The following COL14A1 variants were observed in gnomAD, a reference collection of about 807,000 sequenced individuals.
The protein encoded by COL14A1 is collagen alpha-1(XIV) chain.
In COL14A1, 136 loss-of-function variants were observed where a neutral mutation model predicts 230.3. The ratio of observed to expected loss-of-function variants is 0.59; its 90% CI spans 0.51 to 0.68. The LOEUF is 0.68. Ranked by LOEUF, COL14A1 falls within the 30% of genes least tolerant of loss-of-function variation. The pLI is 0.00. For synonymous variants in COL14A1, 792 were observed against 784.1 expected (o/e 1.01, Z -0.17); for missense variants, 1,976 against 2,215.8 (o/e 0.89, Z 2.17).
Position 120,231,590 on chromosome 8 carries a change from G to A in COL14A1, c.2321G>A (p.Gly774Glu), listed in dbSNP as rs1294782019. The change falls in exon 19 of 48, where the codon GGG (glycine) becomes GAG (glutamate). Residue 774 changes from glycine to glutamate, a missense_variant. By Grantham distance (98) the Gly-to-Glu change is moderately conservative. Coordinates refer to ENST00000297848, the MANE Select transcript of COL14A1 (RefSeq NM_021110.4). ...AGGGTGACCTACATGACAGCTCAAGGGGACCCTGAGGAAGAAGTCATAGGA... is the reference window on the plus strand; with the variant it reads ...AGGGTGACCTACATGACAGCTCAAGAGGACCCTGAGGAAGAAGTCATAGGA... ...QFRVTYMTAQ[G>E]DPEEEVIGTV... 1 of 1,613,788 alleles carries A rather than the reference G, an allele frequency of 6.2e-7. No individual in the cohort carries two copies. The highest frequency in any genetic ancestry group is 8.5e-7 in the Non-Finnish European group (1 of 1,179,898).
At chr8:120,363,850 T>G (rs1823314183) in intron 45 of COL14A1, among the ~76,000 whole-genome samples, 3 of 152,250 alleles carry the variant, frequency 2.0e-5, no homozygotes, top group Admixed American at 2.0e-4. Flanking sequence ...GTTCTTTCAT[T>G]TGTTAGTTCA....
intron 6 of COL14A1, among the ~76,000 whole-genome samples, chr8:120,197,292 G>A (rs1817070602): frequency 6.6e-6 from 1 of 151,920 alleles, no homozygotes; most frequent in Non-Finnish European, 1.5e-5. Flanking sequence ...TAGAAAATTG[G>A]CAGTCATTTA....
chr8:120,176,818 C>CCTCTTCTT (rs1436510900), intron 5 of COL14A1, among the ~76,000 whole-genome samples: 1 of 152,100 alleles, frequency 6.6e-6, no homozygotes, highest in Admixed American at 6.6e-5. Flanking sequence ...AGTGCTTCTT[C>CCTCTTCTT]CTCTTCTTCT....
chr8:120,212,923 A>G (rs1817653979), intron 13 of COL14A1, among the ~76,000 whole-genome samples: 1 of 152,134 alleles, frequency 6.6e-6, no homozygotes, highest in African/African-American at 2.4e-5. Flanking sequence ...CCAGGTGACA[A>G]TGGGTGATTG....
intron 2 of COL14A1, among the ~76,000 whole-genome samples, chr8:120,150,822 G>T (rs776078562): frequency 2.1e-4 from 32 of 152,078 alleles, no homozygotes; most frequent in Admixed American, 3.3e-4. Context: ...CAGCGCAGGA[G>T]ATTATATTCG....
chr8:120,372,689 C>A lies in COL14A1; in HGVS notation c.*1458C>A, dbSNP rs1020884125. 6.6e-6 allele frequency among the ~76,000 whole-genome samples: 1 copy of A among 152,016 alleles called. No individual in the cohort carries two copies. Reference sequence around the variant, plus strand: ...CTGATCACCAGGTTCTCTTTCTGTCCTTCTCATAATCTCCTGATCTTTGGA... The same window carrying A: ...CTGATCACCAGGTTCTCTTTCTGTCATTCTCATAATCTCCTGATCTTTGGA... On this transcript the variant is annotated 3_prime_UTR_variant, in exon 48 of 48. Transcript: ENST00000297848.
intron 35 of COL14A1, among the ~76,000 whole-genome samples, chr8:120,298,965 G>T (rs1820621635): frequency 6.6e-6 from 1 of 151,848 alleles, no homozygotes; most frequent in Non-Finnish European, 1.5e-5. Context: ...GTGGCAGCAA[G>T]GAGAAGTGCA....
chr8:120,182,919 G>T (rs1345641671), intron 5 of COL14A1, among the ~76,000 whole-genome samples: 2 of 151,754 alleles, frequency 1.3e-5, no homozygotes, highest in African/African-American at 2.4e-5. Context: ...TACAGACAGG[G>T]TTTCACCATA....
At chr8:120,348,306 CAT>C (rs375948231) in intron 45 of COL14A1, among the ~76,000 whole-genome samples, 2,655 of 138,622 alleles carry the variant, frequency 0.019, 41 homozygotes, top group East Asian at 0.03. Context: ...ATATATAAAG[CAT>C]ATATATATAT....
At chr8:120,142,394 T>C (rs1055969433) in intron 1 of COL14A1, among the ~76,000 whole-genome samples, 2 of 152,232 alleles carry the variant, frequency 1.3e-5, no homozygotes, top group African/African-American at 4.8e-5. Context: ...CTTGTTTTAC[T>C]TGACTTTGTA....
At chr8:120,238,688 C>A (rs911399319) in intron 19 of COL14A1, among the ~76,000 whole-genome samples, 11 of 152,166 alleles carry the variant, frequency 7.2e-5, no homozygotes, top group African/African-American at 2.7e-4. Context: ...TCGGTGTTTG[C>A]CCAGATGGCC....
At chr8:120,164,099 A>C (rs1459568062) in intron 4 of COL14A1, among the ~76,000 whole-genome samples, 1 of 152,194 alleles carries the variant, frequency 6.6e-6, no homozygotes, top group Non-Finnish European at 1.5e-5. Context: ...TCTTTTAAAA[A>C]ACCCAATTTA....
At chr8:120,236,944 C>A (rs189583663) in intron 19 of COL14A1, among the ~76,000 whole-genome samples, 2 of 152,266 alleles carry the variant, frequency 1.3e-5, no homozygotes, top group East Asian at 3.9e-4. Context: ...TGAATGTTGG[C>A]CCCCACGCTC....
intron 36 of COL14A1, 65 bp from the exon 37 acceptor site, chr8:120,309,944 A>C: frequency 6.7e-7 from 1 of 1,496,630 alleles, no homozygotes; most frequent in Non-Finnish European, 9.3e-7. Flanking sequence ...ACTATTAAGG[A>C]AAATGAATGA....
At position 120,332,633 on chromosome 8, in the gene COL14A1, A is replaced by C. The variant is rs1020806751; in HGVS notation, c.4714-31A>C. On this transcript the variant is annotated intron_variant, in intron 41 of 47. Transcript: ENST00000297848. ...CATTGATGAGAATGTGTGATTCCTG[A>C]CTTTGTTCCATTTTCCTACCTCTCT... 5 of 1,587,942 alleles carry C rather than the reference A, an allele frequency of 3.1e-6. No homozygotes were observed. In the African/African-American group the frequency reaches 5.4e-5, roughly 17 times the overall value.
At chr8:120,174,851 C>T (rs1163997837) in intron 5 of COL14A1, among the ~76,000 whole-genome samples, 1 of 152,062 alleles carries the variant, frequency 6.6e-6, no homozygotes, top group Non-Finnish European at 1.5e-5. Flanking sequence ...AGAGTTACGG[C>T]TCCTAGGAGG....
At chr8:120,209,984 A>G (rs1817573361) in intron 12 of COL14A1, 83 bp downstream of exon 12, 1 of 1,135,358 alleles carries the variant, frequency 8.8e-7, no homozygotes, top group Admixed American at 3.8e-5. Flanking sequence ...AATTTAATGT[A>G]GAAAATTTAG....
chr8:120,144,196 G>A (rs1444925092), intron 1 of COL14A1, among the ~76,000 whole-genome samples: 2 of 143,500 alleles, frequency 1.4e-5, no homozygotes, highest in Non-Finnish European at 1.6e-5. Flanking sequence ...CTCTCTTGTT[G>A]TTCAAGAATA....
At chr8:120,137,599 G>T (rs2130414909) in intron 1 of COL14A1, among the ~76,000 whole-genome samples, 1 of 151,912 alleles carries the variant, frequency 6.6e-6, no homozygotes, top group Non-Finnish European at 1.5e-5. Context: ...AAACCTATAA[G>T]TTTATCTCTA....
Sources: gnomAD v4.1 joint callset for allele counts (sites outside exome capture counted in the v4.1 genomes callset) on GRCh38, gnomAD v4.1.1 for gene constraint, MANE v1.5 for transcripts, NCBI Gene and HGNC (gene_info 2026-07-23, HGNC 2026-07-21) for gene names.